Variants in COX15 observed in about 807,000 individuals in gnomAD.
COX15 encodes the protein cytochrome c oxidase assembly factor COX15, also known as heme A synthase COX15.
COX15 carries 51 observed loss-of-function variants against 51.9 expected under a neutral mutation model. The observed-to-expected ratio is 0.98, with a 90% CI of 0.78 to 1.24. The LOEUF (loss-of-function observed/expected upper bound fraction) is 1.24, where lower values mean the gene tolerates loss of function less well. COX15 is among the 50% of genes most tolerant of loss of function. The pLI is 0.00. For missense variants in COX15, 420 were observed against 501.1 expected, an observed-to-expected ratio of 0.84 and a Z score of 1.55; for synonymous variants, 188 against 190.5, an observed-to-expected ratio of 0.99 and a Z score of 0.11.
rs779209725 is a variant in COX15 at position 99,727,083 on chromosome 10, C to T, written c.467G>A (p.Gly156Asp). 2 of 1,614,134 alleles carry T rather than the reference C, an allele frequency of 1.2e-6. No homozygotes were observed. The highest frequency in any genetic ancestry group is 1.1e-5 in the South Asian group (1 of 91,074). Reference sequence around the variant, plus strand: ...GATGTACACAAGGCCTACAAGGCGACCCCACATTCGGTGTGAGTACTCCAT... The same window carrying T: ...GATGTACACAAGGCCTACAAGGCGATCCCACATTCGGTGTGAGTACTCCAT... ...WYMEYSHRMW[G>D]RLVGLVYILP... Residue 156 changes from glycine (G) to aspartate (D), a missense_variant, in exon 4 of 9, where the codon GGT becomes GAT. Transcript: ENST00000016171.
rs1184823321 is a variant in COX15, at chr10:99,711,567, AG to A, written c.*3019del. On this transcript the variant is annotated 3_prime_UTR_variant, in exon 9 of 9. Transcript: ENST00000016171. Reference sequence around the variant, plus strand: ...AAGGTAACTAGGCTATTAGGACCTAAGCCAGTGGTCCCTAGACTTGTCTGCA... The same window carrying A: ...AAGGTAACTAGGCTATTAGGACCTAACCAGTGGTCCCTAGACTTGTCTGCA... The A allele has an allele frequency of 2.0e-6, 2 of 985,330 alleles. No individual in the cohort carries two copies. The highest frequency in any genetic ancestry group is 2.4e-6 in the Non-Finnish European group (2 of 829,930). The allele number at this position is 985,330 out of a possible 1,614,324, so 61.0% of individuals were successfully genotyped here. A position where few individuals can be genotyped will look rare whatever the true frequency, so the allele number is the denominator to read the frequency against.
At chr10:99,699,354 G>A in the COX15 span, among the ~76,000 whole-genome samples, 1 of 152,146 alleles carries the variant, frequency 6.6e-6, no homozygotes, top group African/African-American at 2.4e-5. Flanking sequence ...CAATGATGGT[G>A]GAAGTTTGTT....
intron 1 of COX15, among the ~76,000 whole-genome samples, chr10:99,730,477 G>C (rs1404330600): frequency 6.6e-6 from 1 of 152,048 alleles, no homozygotes; most frequent in Non-Finnish European, 1.5e-5. Context: ...CCAGCTATTT[G>C]AGAGGCTGAG....
In COX15 at chr10:99,712,942, C is replaced by T. The variant is rs2036441721; in HGVS notation, c.*1645G>A. ...GAATCTTGCTCTCTCTCCAGATGTT[C>T]TCTGCTCCAGTTAAATATCCCTAGT... is the stretch of plus-strand genomic sequence containing the variant. On this transcript the variant is annotated 3_prime_UTR_variant, in exon 9 of 9. Coordinates refer to ENST00000016171, the MANE Select transcript of COX15 (RefSeq NM_078470.6). The T allele has an allele frequency of 2.2e-6, 2 of 891,486 alleles. No individual in the cohort carries two copies. The highest frequency in any genetic ancestry group is 5.5e-5 in the Admixed American group (1 of 18,288). 55.2% of individuals were successfully genotyped at this position (891,486 alleles called of 1,614,324 possible).
At chr10:99,698,999 AC>A in the COX15 span, 2 of 735,884 alleles carry the variant, frequency 2.7e-6, no homozygotes, top group Non-Finnish European at 4.3e-6. Context: ...CACTCATTTT[AC>A]AGATGAGGAA....
At chr10:99,717,534 A>T (rs888505345) in intron 7 of COX15, among the ~76,000 whole-genome samples, 5 of 151,796 alleles carry the variant, frequency 3.3e-5, no homozygotes, top group African/African-American at 4.8e-5. Flanking sequence ...ATTAAATTTA[A>T]TTTTTTAAGA....
intron 3 of COX15, 78 bp from the exon 4 acceptor site, chr10:99,727,232 C>T: frequency 6.5e-7 from 1 of 1,539,672 alleles, no homozygotes; most frequent in South Asian, 1.1e-5. Flanking sequence ...AATGCAAAAC[C>T]TTTCTTTCTC....
At chr10:99,703,196 C>G in the COX15 span, among the ~76,000 whole-genome samples, 11 of 152,032 alleles carry the variant, frequency 7.2e-5, no homozygotes, top group African/African-American at 2.7e-4. Flanking sequence ...ACTCTGGTAG[C>G]CTGATACCTT....
At chr10:99,699,057 T>G in the COX15 span, among the ~76,000 whole-genome samples, 43 of 152,310 alleles carry the variant, frequency 2.8e-4, no homozygotes, top group South Asian at 7.7e-3. Context: ...TGCCTTCTAA[T>G]TAACTAAATT....
In COX15 at chr10:99,729,719, G is replaced by T; in HGVS notation, c.106C>A (p.Arg36Ser). The part of the protein sequence containing the change: ...APRAQCDCIR[R>S]PLRPGQYSTI... ...CTGTATTGCCCTGGCCTCAAAGGGC[G>T]CCTGATGCAATCACACTAAAGATCA... Residue 36 changes from arginine (R) to serine (S), a missense_variant, in exon 2 of 9, where the codon CGC becomes AGC. Arg to Ser is a moderately radical substitution (Grantham distance 110). Transcript: ENST00000016171. The T allele has an allele frequency of 1.2e-6, 2 of 1,614,078 alleles. No homozygotes were observed.
At position 99,712,624 on chromosome 10, in the gene COX15, C is replaced by T; in HGVS notation, c.*1963G>A. On this transcript the variant is annotated 3_prime_UTR_variant, in exon 9 of 9. Coordinates refer to ENST00000016171, the MANE Select transcript of COX15 (RefSeq NM_078470.6). ...ATAAACTTAAGATAAGCTTATTTTC[C>T]TTATTTCAAAAAGCAAAACAAAAAC... 1.0e-6 allele frequency: 1 copy of T among 983,900 alleles called. No homozygotes were observed. The highest frequency in any genetic ancestry group is 1.2e-6 in the Non-Finnish European group (1 of 828,652). The allele number at this position is 983,900 out of a possible 1,614,324, so 60.9% of individuals were successfully genotyped here. A position where few individuals can be genotyped will look rare whatever the true frequency, so the allele number is the denominator to read the frequency against.
At chr10:99,698,372 G>A in the COX15 span, among the ~76,000 whole-genome samples, 3 of 152,106 alleles carry the variant, frequency 2.0e-5, no homozygotes, top group Non-Finnish European at 2.9e-5. Flanking sequence ...TTAACTTGCT[G>A]AAGTTAAATG....
Position 99,726,991 on chromosome 10 carries a change from G to A in COX15, c.559C>T (p.Leu187Phe). The change falls in exon 4 of 9, where the codon CTC (leucine) becomes TTC (phenylalanine). Residue 187 changes from leucine to phenylalanine, a missense_variant. Leu to Phe is a conservative substitution (Grantham distance 22). Transcript: ENST00000016171. The stretch of plus-strand genomic sequence containing the variant: ...ACCTGGAAGCAGACGAGGCCACAGA[G>A]GGCAAGAACACGTCCTTTCATGCCA... ...SRGMKGRVLA[L>F]CGLVCFQGLL... is the part of the protein sequence containing the mutation. 6.2e-7 allele frequency: 1 copy of A among 1,613,976 alleles called. No individual in the cohort carries two copies. The highest frequency in any genetic ancestry group is 1.3e-5 in the African/African-American group (1 of 74,996).
chr10:99,710,190 A>G (rs115283180), downstream of COX15: 201 of 985,330 alleles, frequency 2.0e-4, 1 homozygote, highest in African/African-American at 3.4e-3. Flanking sequence ...GGCCCCTCCT[A>G]CAGAGCACTT....
At chr10:99,727,309 G>A (rs974420017) in intron 3 of COX15, 132 bp downstream of exon 3, 47 of 1,474,840 alleles carry the variant, frequency 3.2e-5, no homozygotes, top group Non-Finnish European at 4.2e-5. Context: ...TGGATTTGGG[G>A]GCTTAGAAGA....
In COX15 at chr10:99,713,003, A is replaced by G; in HGVS notation, c.*1584T>C. 1 of 1,116,896 alleles carries G rather than the reference A, an allele frequency of 9.0e-7. No individual in the cohort carries two copies. Among genetic ancestry groups the G allele is most frequent in the Non-Finnish European group, 1.1e-6 (1 of 908,914 alleles). 69.2% of individuals were successfully genotyped at this position (1,116,896 alleles called of 1,614,324 possible). Reference sequence around the variant, plus strand: ...ATTCCCTGTGTGACAGGGGTTCTGGACTCATCATTCTGATCTCTTCTTCTG... The same window carrying G: ...ATTCCCTGTGTGACAGGGGTTCTGGGCTCATCATTCTGATCTCTTCTTCTG... On this transcript the variant is annotated 3_prime_UTR_variant, in exon 9 of 9. Coordinates refer to ENST00000016171, the MANE Select transcript of COX15 (RefSeq NM_078470.6).
Sources: gnomAD v4.1 joint callset for allele counts (sites outside exome capture counted in the v4.1 genomes callset) on GRCh38, gnomAD v4.1.1 for gene constraint, MANE v1.5 for transcripts, NCBI Gene and HGNC (gene_info 2026-07-23, HGNC 2026-07-21) for gene names.